The following MARCKS variants were observed in gnomAD, a reference collection of about 807,000 sequenced individuals.
MARCKS encodes the protein myristoylated alanine-rich C-kinase substrate.
In MARCKS, 4 loss-of-function variants were observed where a neutral mutation model predicts 6.3. That is an observed-to-expected ratio of 0.63 (90% CI 0.31 to 1.45). The LOEUF (loss-of-function observed/expected upper bound fraction) is 1.45. Ranked by LOEUF, MARCKS falls within the 40% of genes most tolerant of loss-of-function variation. The pLI is 0.07. For synonymous variants in MARCKS, 289 were observed against 236.5 expected (o/e 1.22, Z -2.04); for missense variants, 636 against 485.7 (o/e 1.31, Z -2.91).
At position 113,857,626 on chromosome 6, in the gene MARCKS, T is replaced by A. The variant is rs45584031; in HGVS notation, c.-120T>A. 234 of 385,048 alleles carry A rather than the reference T, an allele frequency of 6.1e-4. No homozygotes were observed. The East Asian group carries it at 0.02, about 33-fold the overall frequency. The allele number at this position is 385,048 out of a possible 1,614,324, so 23.9% of individuals were successfully genotyped here. On this transcript the variant is annotated 5_prime_UTR_variant, in exon 1 of 2. Transcript: ENST00000612661. ...CCCCCACCCCCCTCCCTCCGGTGTG[T>A]GTGCCGCTGCCGCTGTTGCCGCCGC...
chr6:113,859,955 G>GGCCGCGTCGGCC lies in MARCKS; in HGVS notation c.379_390dup (p.Ala127_Ala130dup). On this transcript the variant is annotated inframe_insertion, in exon 2 of 2. Coordinates refer to ENST00000612661, the MANE Select transcript of MARCKS (RefSeq NM_002356.7). Reference sequence around the variant, plus strand: ...GCTCGCCCACGGCCGCGGAGGGAGAGGCCGCGTCGGCCGCCTCCTCGACTT... The same window carrying GGCCGCGTCGGCC: ...GCTCGCCCACGGCCGCGGAGGGAGAGGCCGCGTCGGCCGCCGCGTCGGCCGCCTCCTCGACTT... The GGCCGCGTCGGCC allele has an allele frequency of 1.3e-6, 2 of 1,505,896 alleles. No homozygotes were observed. The highest frequency in any genetic ancestry group is 1.8e-6 in the Non-Finnish European group (2 of 1,133,626). The allele number at this position is 1,505,896 out of a possible 1,614,324, so 93.3% of individuals were successfully genotyped here.
Position 113,861,209 on chromosome 6 carries a change from G to A in MARCKS, c.*630G>A, listed in dbSNP as rs1774897117. 6.7e-6 allele frequency: 1 copy of A among 150,242 alleles called. No homozygotes were observed. Among genetic ancestry groups the A allele is most frequent in the South Asian group, 2.1e-4 (1 of 4,768 alleles). The allele number at this position is 150,242 out of a possible 1,614,324, so 9.3% of individuals were successfully genotyped here. A position where few individuals can be genotyped will look rare whatever the true frequency, so the allele number is the denominator to read the frequency against. ...TACCCAGATTTAAAAAAAAAAAAACGATCATAGTCTTAGGAGTTCATTTAA... is the reference window on the plus strand; with the variant it reads ...TACCCAGATTTAAAAAAAAAAAAACAATCATAGTCTTAGGAGTTCATTTAA... On this transcript the variant is annotated 3_prime_UTR_variant, in exon 2 of 2. Coordinates refer to ENST00000612661, the MANE Select transcript of MARCKS (RefSeq NM_002356.7).
At position 113,861,722 on chromosome 6, in the gene MARCKS, A is replaced by G. The variant is rs993785879; in HGVS notation, c.*1143A>G. ...ATGGAATGTAACTTTGCTTACAAAA[A>G]TTGCTATTAAACTCCTGCTTAAGGT... On this transcript the variant is annotated 3_prime_UTR_variant, in exon 2 of 2. Transcript: ENST00000612661. The G allele has an allele frequency of 2.6e-5, 4 of 152,660 alleles. No homozygotes were observed. Among genetic ancestry groups the G allele is most frequent in the Non-Finnish European group, 4.4e-5 (3 of 68,024 alleles). 9.5% of individuals were successfully genotyped at this position (152,660 alleles called of 1,614,324 possible). A position where few individuals can be genotyped will look rare whatever the true frequency, so the allele number is the denominator to read the frequency against.
chr6:113,860,067 T>C lies in MARCKS; in HGVS notation c.487T>C (p.Ser163Pro). 1 of 1,571,894 alleles carries C rather than the reference T, an allele frequency of 6.4e-7. No homozygotes were observed. The highest frequency in any genetic ancestry group is 8.6e-7 in the Non-Finnish European group (1 of 1,161,422). ...KKKKRFSFKK[S>P]FKLSGFSFKK... ...AAAGAAGCGCTTTTCCTTCAAGAAG[T>C]CTTTCAAGCTGAGCGGCTTCTCCTT... Residue 163 changes from serine (S) to proline (P), a missense_variant, in exon 2 of 2, where the codon TCT becomes CCT. Coordinates refer to ENST00000612661, the MANE Select transcript of MARCKS (RefSeq NM_002356.7).
chr6:113,859,849 C>T lies in MARCKS; in HGVS notation c.269C>T (p.Pro90Leu), dbSNP rs1328196299. 36 of 1,293,826 alleles carry T rather than the reference C, an allele frequency of 2.8e-5. No homozygotes were observed. The highest frequency in any genetic ancestry group is 3.4e-5 in the Non-Finnish European group (35 of 1,023,480). 80.1% of individuals were successfully genotyped at this position (1,293,826 alleles called of 1,614,324 possible). A position where few individuals can be genotyped will look rare whatever the true frequency, so the allele number is the denominator to read the frequency against. ...CCCTCCGCGGCCGAGAAAGGTGAGC[C>T]GGCCGCCGCCGCTGCCCCCGAGGCC... ...ASPSAAEKGE[P>L]AAAAAPEAGA... Residue 90 changes from proline (P) to leucine (L), a missense_variant, in exon 2 of 2, where the codon CCG becomes CTG. Transcript: ENST00000612661.
At position 113,860,473 on chromosome 6, in the gene MARCKS, C is replaced by T; in HGVS notation, c.893C>T (p.Ala298Val). The change falls in exon 2 of 2, where the codon GCG (alanine) becomes GTG (valine). Residue 298 changes from alanine (A) to valine (V), a missense_variant. Physicochemically the swap from Ala to Val is moderately conservative, Grantham distance 64. Coordinates refer to ENST00000612661, the MANE Select transcript of MARCKS (RefSeq NM_002356.7). ...CCCCCGGAGCAGGAGGCAGCCCCCG[C>T]GGAGGAGCCCGCGGCCGCCGCAGCC... Reference protein sequence around the residue: ...GAPPEQEAAPAEEPAAAAASS... With the variant: ...GAPPEQEAAPVEEPAAAAASS... 6.9e-7 allele frequency: 1 copy of T among 1,449,776 alleles called. No homozygotes were observed. The allele number at this position is 1,449,776 out of a possible 1,614,324, so 89.8% of individuals were successfully genotyped here.
Position 113,863,260 on chromosome 6 carries a change from A to T in MARCKS, c.*2681A>T, listed in dbSNP as rs1181543243. On this transcript the variant is annotated 3_prime_UTR_variant, in exon 2 of 2. Transcript: ENST00000612661. ...ACATCATGTTTTCTAACGGAAAAAA[A>T]TGTTAATATGGCTTTTTTGTATTAC... 1 of 152,186 alleles carries T rather than the reference A, an allele frequency of 6.6e-6. No individual in the cohort carries two copies. The highest frequency in any genetic ancestry group is 1.9e-4 in the East Asian group (1 of 5,198). 9.4% of individuals were successfully genotyped at this position (152,186 alleles called of 1,614,324 possible).
chr6:113,862,547 GAT>G lies in MARCKS; in HGVS notation c.*1971_*1972del. The G allele has an allele frequency of 6.6e-6, 1 of 151,780 alleles. No individual in the cohort carries two copies. Among genetic ancestry groups the G allele is most frequent in the African/African-American group, 2.4e-5 (1 of 41,408 alleles). 9.4% of individuals were successfully genotyped at this position (151,780 alleles called of 1,614,324 possible). On this transcript the variant is annotated 3_prime_UTR_variant, in exon 2 of 2. Coordinates refer to ENST00000612661, the MANE Select transcript of MARCKS (RefSeq NM_002356.7). ...TCTGCTCTTTGCCACCCGATAACTG[GAT>G]ATCTTTTCCTTCAAAGGACCCTAAA...
chr6:113,860,301 G>T lies in MARCKS; in HGVS notation c.721G>T (p.Glu241Ter). The T allele has an allele frequency of 7.8e-7, 1 of 1,281,752 alleles. No individual in the cohort carries two copies. The highest frequency in any genetic ancestry group is 1.4e-5 in the South Asian group (1 of 73,170). 79.4% of individuals were successfully genotyped at this position (1,281,752 alleles called of 1,614,324 possible). A position where few individuals can be genotyped will look rare whatever the true frequency, so the allele number is the denominator to read the frequency against. The change falls in exon 2 of 2, where the codon GAG (glutamate) becomes TAG (stop). Residue 241 changes from glutamate to a stop codon, truncating the protein, a stop_gained. Coordinates refer to ENST00000612661, the MANE Select transcript of MARCKS (RefSeq NM_002356.7). LOFTEE classifies it low-confidence loss of function (END_TRUNC). ...CGACCCGCAGGAGGCCAAGCCCCAG[G>T]AGGCCGCTGTCGCGCCAGAGAAGCC... Reference protein sequence around the residue: ...GGDPQEAKPQEAAVAPEKPPA... With the variant: ...GGDPQEAKPQ
chr6:113,860,432 C>A lies in MARCKS; in HGVS notation c.852C>A (p.Ala284=). ...ASAAACEAPS[A]AGPGAPPEQE... ...CCGCCGCCTGCGAGGCCCCCTCCGC[C>A]GCCGGGCCCGGCGCGCCCCCGGAGC... The change falls in exon 2 of 2, where the codon GCC becomes GCA. Residue 284 remains alanine, a synonymous_variant. Transcript: ENST00000612661. The A allele has an allele frequency of 8.6e-7, 1 of 1,158,228 alleles. No individual in the cohort carries two copies. Among genetic ancestry groups the A allele is most frequent in the Non-Finnish European group, 1.1e-6 (1 of 931,636 alleles). 71.7% of individuals were successfully genotyped at this position (1,158,228 alleles called of 1,614,324 possible).
At position 113,862,417 on chromosome 6, in the gene MARCKS, T is replaced by TTC. The variant is rs1774915559; in HGVS notation, c.*1839_*1840insCT. On this transcript the variant is annotated 3_prime_UTR_variant, in exon 2 of 2. Transcript: ENST00000612661. The stretch of plus-strand genomic sequence containing the variant: ...GCCTTTAGCATAGTTTTAAGCATCC[T>TTC]TTTTTTTTTTTTTTTTTGAAAGTGT... 1 of 90,070 alleles carries TTC rather than the reference T, an allele frequency of 1.1e-5. No homozygotes were observed. The highest frequency in any genetic ancestry group is 3.6e-4 in the South Asian group (1 of 2,752). The allele number at this position is 90,070 out of a possible 1,614,324, so 5.6% of individuals were successfully genotyped here.
chr6:113,859,581 G>A, intron 1 of MARCKS, 102 bp from the exon 2 acceptor site: 3 of 1,065,164 alleles, frequency 2.8e-6, no homozygotes, highest in South Asian at 2.4e-5. Flanking sequence ...GATGGCCACA[G>A]GGGCCTTAGG....
At chr6:113,859,149 G>A (rs1223559164) in intron 1 of MARCKS, among the ~76,000 whole-genome samples, 1 of 152,188 alleles carries the variant, frequency 6.6e-6, no homozygotes, top group East Asian at 1.9e-4. Flanking sequence ...GCAGGAGCTC[G>A]GAGGGCCCCG....
At chr6:113,859,131 G>C (rs538684852) in intron 1 of MARCKS, among the ~76,000 whole-genome samples, 1 of 152,290 alleles carries the variant, frequency 6.6e-6, no homozygotes, top group South Asian at 2.1e-4. Flanking sequence ...CCAAAGGCCT[G>C]GGTGGGCGCA....
rs1457669858 is a variant in MARCKS at position 113,862,816 on chromosome 6, A to G, written c.*2237A>G. 1 of 152,152 alleles carries G rather than the reference A, an allele frequency of 6.6e-6. No homozygotes were observed. Among genetic ancestry groups the G allele is most frequent in the Non-Finnish European group, 1.5e-5 (1 of 67,972 alleles). The allele number at this position is 152,152 out of a possible 1,614,324, so 9.4% of individuals were successfully genotyped here. ...GACCTTACCAAACACCCTTGCTACT[A>G]ATAAAATCAAATAACACTTAGAAGG... On this transcript the variant is annotated 3_prime_UTR_variant, in exon 2 of 2. Transcript: ENST00000612661.
chr6:113,859,164 G>A (rs1774836035), intron 1 of MARCKS, among the ~76,000 whole-genome samples: 1 of 152,214 alleles, frequency 6.6e-6, no homozygotes, highest in Admixed American at 6.5e-5. Flanking sequence ...GCCCCGCGCG[G>A]GCGCTCCTGG....
At chr6:113,858,777 G>C (rs1774829060) in intron 1 of MARCKS, among the ~76,000 whole-genome samples, 1 of 152,248 alleles carries the variant, frequency 6.6e-6, no homozygotes, top group South Asian at 2.1e-4. Context: ...ACTGGGGAAA[G>C]CGAGGTCTGC....
rs149796810 is a variant in MARCKS at position 113,860,555 on chromosome 6, C to A, written c.975C>A (p.Ala325=). The change falls in exon 2 of 2, where the codon GCC becomes GCA. Residue 325 remains alanine (A), a synonymous_variant. Transcript: ENST00000612661. Reference sequence around the variant, plus strand: ...CCCAGCCCGAGTGCAGTCCAGAAGCCCCCCCAGCGGAGGCGGCAGAGTAAA... The same window carrying A: ...CCCAGCCCGAGTGCAGTCCAGAAGCACCCCCAGCGGAGGCGGCAGAGTAAA... ...QEAQPECSPE[A]PPAEAAE 1.6e-5 allele frequency: 25 copies of A among 1,559,088 alleles called. No individual in the cohort carries two copies. Among genetic ancestry groups the A allele is most frequent in the Middle Eastern group, 1.7e-4 (1 of 5,922 alleles).
Position 113,857,799 on chromosome 6 carries a change from G to A in MARCKS, c.54G>A (p.Arg18=). Residue 18 remains arginine, a synonymous_variant, in exon 1 of 2, where the codon AGG becomes AGA. Transcript: ENST00000612661. ...CGAAGGGAGAAGCCGCCGCGGAGAGGCCTGGGGAGGCGGCTGTGGCCTCGT... is the reference window on the plus strand; with the variant it reads ...CGAAGGGAGAAGCCGCCGCGGAGAGACCTGGGGAGGCGGCTGTGGCCTCGT... ...TAAKGEAAAE[R]PGEAAVASSP... 6.2e-7 allele frequency: 1 copy of A among 1,609,180 alleles called. No homozygotes were observed. The highest frequency in any genetic ancestry group is 8.5e-7 in the Non-Finnish European group (1 of 1,178,090).
Sources: gnomAD v4.1 joint callset for allele counts (sites outside exome capture counted in the v4.1 genomes callset) on GRCh38, gnomAD v4.1.1 for gene constraint, MANE v1.5 for transcripts, NCBI Gene and HGNC (gene_info 2026-07-23, HGNC 2026-07-21) for gene names.